IPCEF1: variants seen among roughly 807,000 people sequenced by gnomAD.
The protein encoded by IPCEF1 is interactor protein for cytohesin exchange factors 1.
Under a neutral mutation model 50.9 loss-of-function variants are expected in IPCEF1, and 31 were observed. The ratio of observed to expected loss-of-function variants is 0.61; its 90% CI spans 0.46 to 0.82. The LOEUF (loss-of-function observed/expected upper bound fraction) is 0.82, where lower values mean the gene tolerates loss of function less well. IPCEF1 is among the 40% of genes least tolerant of loss of function. IPCEF1 has a pLI of 0.00. For synonymous variants in IPCEF1, 181 were observed against 192.0 expected (o/e 0.94, Z 0.47); for missense variants, 458 against 514.0 (o/e 0.89, Z 1.05).
intron 1 of IPCEF1, chr6:154,329,997 C>A (rs1286738760): frequency 1.3e-5 from 2 of 152,446 alleles, no homozygotes; most frequent in Non-Finnish European, 2.9e-5. Flanking sequence ...AAGCTGCCAT[C>A]TGAGAAAATA....
rs767625227 is a variant in IPCEF1 at position 154,221,237 on chromosome 6, T to G, written c.392+20A>C. 1 of 1,602,414 alleles carries G rather than the reference T, an allele frequency of 6.2e-7. No individual in the cohort carries two copies. Among genetic ancestry groups the G allele is most frequent in the East Asian group, 2.2e-5 (1 of 44,768 alleles). On this transcript the variant is annotated intron_variant, in intron 7 of 11. Coordinates refer to ENST00000367220, the MANE Select transcript of IPCEF1 (RefSeq NM_001130700.2). ...GTATATTCCCATTAAGGATGGGGTT[T>G]ACCAGTTTCCTCTACTTACACGTTC...
rs1783051375 is a variant in IPCEF1 at position 154,310,455 on chromosome 6, CA to C, written c.-61-20700del. On this transcript the variant is annotated intron_variant, in intron 1 of 11. Transcript: ENST00000367220. ...CTGTTGGTGGGAATGTAAATTAGTA[CA>C]GCCATTTTGGAAAATAGTATGGAGG... 5.9e-5 allele frequency among the ~76,000 whole-genome samples: 9 copies of C among 152,208 alleles called. No individual in the cohort carries two copies. In the South Asian group the frequency reaches 1.9e-3, roughly 32 times the overall value.
chr6:154,268,128 G>A (rs544775879), intron 2 of IPCEF1, among the ~76,000 whole-genome samples: 56 of 152,340 alleles, frequency 3.7e-4, no homozygotes, highest in African/African-American at 9.6e-4. Flanking sequence ...TCCTGCTGCC[G>A]TTCATGGTGC....
chr6:154,175,386 C>CTTT (rs149218711), intron 10 of IPCEF1, among the ~76,000 whole-genome samples: 2 of 143,304 alleles, frequency 1.4e-5, no homozygotes, highest in African/African-American at 2.5e-5. Flanking sequence ...AATCCAGGAG[C>CTTT]TTTTTTTTTT....
At chr6:154,220,821 A>G (rs1357821599) in intron 7 of IPCEF1, among the ~76,000 whole-genome samples, 1 of 152,262 alleles carries the variant, frequency 6.6e-6, no homozygotes, top group African/African-American at 2.4e-5. Context: ...GCGTTTTGCA[A>G]TATGTTCAGG....
chr6:154,301,780 C>T (rs1406056), intron 1 of IPCEF1, among the ~76,000 whole-genome samples: 121,843 of 152,114 alleles, frequency 0.8, 49,675 homozygotes, highest in African/African-American at 0.94. Flanking sequence ...ATCACTAATC[C>T]ACATTTTAAG....
intron 7 of IPCEF1, chr6:154,219,228 T>C (rs1048370532): frequency 3.3e-5 from 5 of 152,176 alleles, no homozygotes; most frequent in Admixed American, 6.5e-5. Context: ...AAAATGCACC[T>C]TACTGTGTAG....
chr6:154,196,378 G>T (rs780725604), intron 10 of IPCEF1, among the ~76,000 whole-genome samples: 12 of 152,138 alleles, frequency 7.9e-5, no homozygotes, highest in Admixed American at 4.6e-4. Flanking sequence ...GAAACATCAT[G>T]CATGCTCTAG....
At position 154,331,419 on chromosome 6, in the gene IPCEF1, G is replaced by GAA. The variant is rs1321416555; in HGVS notation, c.-62+25251_-62+25252dup. On this transcript the variant is annotated intron_variant, in intron 1 of 11. Coordinates refer to ENST00000367220, the MANE Select transcript of IPCEF1 (RefSeq NM_001130700.2). Reference sequence around the variant, plus strand: ...AGAAAGAAAGAAAGAGAGAGAAAAAGAAAGAGAGAGAGAGAAAGAAAGAGA... The same window carrying GAA: ...AGAAAGAAAGAAAGAGAGAGAAAAAGAAAAAGAGAGAGAGAGAAAGAAAGAGA... 3.6e-4 allele frequency among the ~76,000 whole-genome samples: 52 copies of GAA among 144,524 alleles called. 1 individual carries two copies. In the South Asian group the frequency reaches 6.6e-3, roughly 18 times the overall value. The allele number at this position is 144,524 out of a possible 152,430, so 94.8% of individuals were successfully genotyped here.
At chr6:154,349,866 T>C (rs1784093478) in intron 1 of IPCEF1, among the ~76,000 whole-genome samples, 1 of 152,186 alleles carries the variant, frequency 6.6e-6, no homozygotes, top group South Asian at 2.1e-4. Flanking sequence ...AGAAAAAAGA[T>C]ATTTTTAGTT....
intron 11 of IPCEF1, among the ~76,000 whole-genome samples, chr6:154,162,592 T>G (rs1477459121): frequency 6.6e-6 from 1 of 152,232 alleles, no homozygotes; most frequent in Non-Finnish European, 1.5e-5. Flanking sequence ...TGATTTTTCT[T>G]GTACCACAAT....
chr6:154,268,012 C>T (rs1157769640), intron 2 of IPCEF1, among the ~76,000 whole-genome samples: 3 of 152,208 alleles, frequency 2.0e-5, no homozygotes, highest in Non-Finnish European at 4.4e-5. Flanking sequence ...GTTCCCACTC[C>T]AGTTGGTGGG....
chr6:154,197,761 T>C (rs1255241041), intron 10 of IPCEF1, among the ~76,000 whole-genome samples: 1 of 152,194 alleles, frequency 6.6e-6, no homozygotes, highest in Admixed American at 6.5e-5. Flanking sequence ...GGGTTATCTC[T>C]TGGGAAAGAA....
intron 1 of IPCEF1, among the ~76,000 whole-genome samples, chr6:154,306,303 G>C (rs183309841): frequency 7.2e-5 from 11 of 152,192 alleles, no homozygotes; most frequent in Non-Finnish European, 2.9e-5. Context: ...AACTTTCAGA[G>C]ACAGAATGAC....
intron 5 of IPCEF1, among the ~76,000 whole-genome samples, chr6:154,230,396 G>A (rs556840155): frequency 3.3e-5 from 5 of 152,198 alleles, no homozygotes; most frequent in South Asian, 4.1e-4. Flanking sequence ...AAAAAATTAA[G>A]TCTTTTAGAA....
intron 4 of IPCEF1, chr6:154,247,220 G>A (rs1445511519): frequency 7.7e-6 from 4 of 519,826 alleles, no homozygotes; most frequent in Non-Finnish European, 1.4e-5. Context: ...CCGACTCACT[G>A]CCAGTTTTTC....
chr6:154,206,447 T>C (rs1210045369), intron 9 of IPCEF1, among the ~76,000 whole-genome samples: 2 of 152,216 alleles, frequency 1.3e-5, no homozygotes, highest in South Asian at 2.1e-4. Flanking sequence ...GTCCATTAAA[T>C]GTTTATTTAG....
intron 1 of IPCEF1, among the ~76,000 whole-genome samples, chr6:154,317,578 A>T (rs12664122): frequency 6.8e-6 from 1 of 146,800 alleles, no homozygotes; most frequent in South Asian, 2.2e-4. Context: ...AAAAAAAAGC[A>T]AATGACTCAG....
intron 1 of IPCEF1, among the ~76,000 whole-genome samples, chr6:154,327,556 A>G (rs1304863970): frequency 6.6e-6 from 1 of 152,196 alleles, no homozygotes; most frequent in Non-Finnish European, 1.5e-5. Flanking sequence ...CATTAATAAA[A>G]AGGCAAAAAA....
Sources: allele counts gnomAD v4.1 joint callset (sites outside exome capture counted in the v4.1 genomes callset), GRCh38; gene constraint gnomAD v4.1.1; transcripts MANE v1.5; gene names NCBI Gene and HGNC (gene_info 2026-07-23, HGNC 2026-07-21).